Variants in TTN observed in about 807,000 individuals in gnomAD.
TTN encodes the protein connectin.
A neutral mutation model predicts 3,223.0 loss-of-function variants in TTN; 1,525 were observed. The ratio of observed to expected loss-of-function variants is 0.47; its 90% CI spans 0.45 to 0.49. The LOEUF (loss-of-function observed/expected upper bound fraction) is 0.49, where lower values mean the gene tolerates loss of function less well. Ranked by LOEUF, TTN falls within the 20% of genes least tolerant of loss-of-function variation. TTN has a pLI of 0.00. For synonymous variants in TTN, 14,094 were observed against 15,161.0 expected (o/e 0.93, Z 5.17); for missense variants, 40,786 against 43,424.0 (o/e 0.94, Z 5.40).
intron 208 of TTN, 113 bp downstream of exon 208, chr2:178,651,130 G>A: frequency 1.2e-6 from 1 of 844,236 alleles, no homozygotes; most frequent in Admixed American, 2.6e-5. Flanking sequence ...AATCCAGAAT[G>A]ACAGTTTTGT....
chr2:178,541,066 C>T, intron 350 of TTN: 1 of 388,194 alleles, frequency 2.6e-6, no homozygotes, highest in East Asian at 3.9e-5. Flanking sequence ...AATTATTTGC[C>T]AGAAATCGCT....
At chr2:178,598,310 A>G (rs576523895) in intron 292 of TTN, among the ~76,000 whole-genome samples, 196 bp downstream of exon 292, 1 of 152,268 alleles carries the variant, frequency 6.6e-6, no homozygotes, top group South Asian at 2.1e-4. Flanking sequence ...TTTATAACCA[A>G]AAGATTAGTA....
chr2:178,721,563 A>G (rs1230926225), intron 78 of TTN, among the ~76,000 whole-genome samples: 2 of 152,104 alleles, frequency 1.3e-5, no homozygotes, highest in African/African-American at 2.4e-5. Flanking sequence ...AGAATGCCAT[A>G]TAACAAGAAA....
Position 178,723,146 on chromosome 2 carries a change from C to A in TTN, c.21861G>T (p.Leu7287=). ...NIVTTEKTCI[L]EILNSTKRDA... is the part of the protein sequence containing the mutation. ...CTCTTTTTGTGCTATTCAGAATTTC[C>A]AGGATACAAGTTTTCTCTGTTGTGA... Residue 7287 remains leucine, a synonymous_variant, in exon 75 of 363, where the codon CTG becomes CTT. Coordinates refer to ENST00000589042, the MANE Select transcript of TTN (RefSeq NM_001267550.2). The A allele has an allele frequency of 1.9e-6, 3 of 1,613,494 alleles. No individual in the cohort carries two copies. The highest frequency in any genetic ancestry group is 2.5e-6 in the Non-Finnish European group (3 of 1,179,632).
At chr2:178,682,984 T>G (rs562357684) in intron 134 of TTN, 81 bp from the exon 135 acceptor site, 1 of 1,350,342 alleles carries the variant, frequency 7.4e-7, no homozygotes, top group Non-Finnish European at 1.0e-6. Context: ...TGCTTTGATT[T>G]TATTCTTTTG....
In TTN at chr2:178,550,161, A is replaced by T; in HGVS notation, c.91677T>A (p.Thr30559=). The stretch of plus-strand genomic sequence containing the variant: ...CGATTTCCACTCCATCTTTGAACCA[A>T]GTTACTCGAGGCACTGGTCTTCCTT... ...LVQGRPVPRV[T]WFKDGVEIEK... is the part of the protein sequence containing the mutation. Residue 30559 remains threonine (T), a synonymous_variant, in exon 337 of 363, where the codon ACT becomes ACA. Coordinates refer to ENST00000589042, the MANE Select transcript of TTN (RefSeq NM_001267550.2). 6.2e-7 allele frequency: 1 copy of T among 1,613,686 alleles called. No individual in the cohort carries two copies. Among genetic ancestry groups the T allele is most frequent in the Non-Finnish European group, 8.5e-7 (1 of 1,179,726 alleles).
Position 178,599,236 on chromosome 2 carries a change from G to A in TTN, c.56557C>T (p.His18853Tyr), listed in dbSNP as rs397517623. The A allele has an allele frequency of 1.0e-5, 16 of 1,549,008 alleles. No individual in the cohort carries two copies. In the Admixed American group the frequency reaches 2.3e-4, roughly 22 times the overall value. The change falls in exon 290 of 363, where the codon CAT becomes TAT. Residue 18853 changes from histidine to tyrosine, a missense_variant. Physicochemically the swap from His to Tyr is moderately conservative, Grantham distance 83. Coordinates refer to ENST00000589042, the MANE Select transcript of TTN (RefSeq NM_001267550.2). Reference sequence around the variant, plus strand: ...GCCATGATTCGGAATACATATTCATGGCCTTCTAGCAATTTGGGAATCGTG... The same window carrying A: ...GCCATGATTCGGAATACATATTCATAGCCTTCTAGCAATTTGGGAATCGTG... Reference protein sequence around the residue: ...TYTIPKLLEGHEYVFRIMAQN... With the variant: ...TYTIPKLLEGYEYVFRIMAQN...
Position 178,560,758 on chromosome 2 carries a change from A to G in TTN, c.85374T>C (p.Leu28458=), listed in dbSNP as rs1703348174. Reference sequence around the variant, plus strand: ...TCTCAGCAGTGAGGCCATTTATTTCAAGTGGTCCTGCTGGTGGACCAGGCT... The same window carrying G: ...TCTCAGCAGTGAGGCCATTTATTTCGAGTGGTCCTGCTGGTGGACCAGGCT... The part of the protein sequence containing the change: ...LDKPGPPAGP[L]EINGLTAEKC... The change falls in exon 326 of 363, where the codon CTT becomes CTC. Residue 28458 remains leucine (L), a synonymous_variant. Coordinates refer to ENST00000589042, the MANE Select transcript of TTN (RefSeq NM_001267550.2). 1 of 1,613,632 alleles carries G rather than the reference A, an allele frequency of 6.2e-7. No individual in the cohort carries two copies. The highest frequency in any genetic ancestry group is 1.3e-5 in the African/African-American group (1 of 74,914).
At chr2:178,554,802 T>C (rs572402359) in intron 331 of TTN, 50 bp from the exon 332 acceptor site, 2 of 1,612,046 alleles carry the variant, frequency 1.2e-6, no homozygotes, top group East Asian at 4.5e-5. Flanking sequence ...TAAAGCCTAC[T>C]TGTTCAAAAT....
intron 43 of TTN, among the ~76,000 whole-genome samples, chr2:178,762,819 C>T (rs2089555529): frequency 6.6e-6 from 1 of 152,146 alleles, no homozygotes. Context: ...CTCTCTATGG[C>T]TATAATAAAA....
Position 178,680,019 on chromosome 2 carries a change from A to C in TTN, c.33455T>G (p.Val11152Gly). ...GGTTACAACTTCCTCTTCAAAGGCA[A>C]CCTCTTCTGGTTCAAGTTCTTTAGG... ...EVPKELEPEE[V>G]AFEEEVVTHV... Residue 11152 changes from valine to glycine, a missense_variant, in exon 140 of 363, where the codon GTT becomes GGT. Val to Gly is a moderately radical substitution (Grantham distance 109). Transcript: ENST00000589042. 4 of 1,613,168 alleles carry C rather than the reference A, an allele frequency of 2.5e-6. No homozygotes were observed. The highest frequency in any genetic ancestry group is 3.4e-6 in the Non-Finnish European group (4 of 1,179,426).
chr2:178,695,988 C>A lies in TTN; in HGVS notation c.31084G>T (p.Glu10362Ter). Residue 10362 changes from glutamate (E) to a stop codon, truncating the protein, a stop_gained, in exon 114 of 363, where the codon GAA becomes TAA. Transcript: ENST00000589042. LOFTEE classifies it high-confidence loss of function. ...TATTCTTGCCCTTCTTCAAAATCTT[C>A]TTCCCATTCCTCGTGAACTTCTTTT... is the stretch of plus-strand genomic sequence containing the variant. ...AKKEVHEEWEEDFEEGQEYYE... is the reference protein window; with the variant it reads ...AKKEVHEEWE 6.5e-7 allele frequency: 1 copy of A among 1,547,340 alleles called. No homozygotes were observed. Among genetic ancestry groups the A allele is most frequent in the South Asian group, 1.2e-5 (1 of 82,576 alleles).
Position 178,536,361 on chromosome 2 carries a change from T to C in TTN, c.100386A>G (p.Glu33462=). 1 of 1,613,778 alleles carries C rather than the reference T, an allele frequency of 6.2e-7. No individual in the cohort carries two copies. Among genetic ancestry groups the C allele is most frequent in the South Asian group, 1.1e-5 (1 of 91,070 alleles). The change falls in exon 357 of 363, where the codon GAA becomes GAG. Residue 33462 remains glutamate (E), a synonymous_variant. Coordinates refer to ENST00000589042, the MANE Select transcript of TTN (RefSeq NM_001267550.2). The part of the protein sequence containing the change: ...FSVKNLIEGL[E]YEFRVKCENL... ...TTTCACATTTCACACGAAACTCGTA[T>C]TCAAGACCTTCAATAAGGTTTTTCA...
chr2:178,779,979 G>A (rs750001983), intron 22 of TTN, 21 bp downstream of exon 22: 12 of 1,601,906 alleles, frequency 7.5e-6, no homozygotes, highest in Admixed American at 1.7e-5. Flanking sequence ...TTGTTTGGTT[G>A]GTCATTACTT....
Position 178,563,441 on chromosome 2 carries a change from G to T in TTN, c.82691C>A (p.Ala27564Glu), listed in dbSNP as rs55634791. 1 of 1,613,416 alleles carries T rather than the reference G, an allele frequency of 6.2e-7. No individual in the cohort carries two copies. Among genetic ancestry groups the T allele is most frequent in the Non-Finnish European group, 8.5e-7 (1 of 1,179,716 alleles). The change falls in exon 326 of 363, where the codon GCG becomes GAG. Residue 27564 changes from alanine (A) to glutamate (E), a missense_variant. By Grantham distance (107) the Ala-to-Glu change is moderately radical. Coordinates refer to ENST00000589042, the MANE Select transcript of TTN (RefSeq NM_001267550.2). This position sits in a 1 kb window ranked among gnomAD's most constrained non-coding sequence, Gnocchi z 4.5. ...ACCTGGTGGATACAAGGCATCACAC[G>T]CACGGTAGAAAACAGATGGCTCACT... ...EPSEPSVFYRACDALYPPGPP... is the reference protein window; with the variant it reads ...EPSEPSVFYRECDALYPPGPP...
Position 178,619,713 on chromosome 2 carries a change from C to T in TTN, c.46604G>A (p.Arg15535Gln), listed in dbSNP as rs761015674. The T allele has an allele frequency of 1.4e-5, 22 of 1,612,322 alleles. No individual in the cohort carries two copies. The highest frequency in any genetic ancestry group is 4.0e-5 in the African/African-American group (3 of 74,890). The change falls in exon 250 of 363, where the codon CGA becomes CAA. Residue 15535 changes from arginine (R) to glutamine (Q), a missense_variant. Arg to Gln is a conservative substitution (Grantham distance 43). Transcript: ENST00000589042. ...GGGCTTAATATCACAAATCTGTAGT[C>T]GATGTATCTTTCCTTCACTCATCAT... ...HQMMSEGKIH[R>Q]LQICDIKPRD...
Position 178,528,412 on chromosome 2 carries a change from T to C in TTN, c.107239A>G (p.Asn35747Asp). 6.2e-7 allele frequency: 1 copy of C among 1,613,306 alleles called. No individual in the cohort carries two copies. The highest frequency in any genetic ancestry group is 8.5e-7 in the Non-Finnish European group (1 of 1,179,696). The change falls in exon 361 of 363, where the codon AAT becomes GAT. Residue 35747 changes from asparagine to aspartate, a missense_variant. Transcript: ENST00000589042. ...TTTCTGGAGCGGCTTATGCTGACAT[T>C]TGAAGAAATAGAAATCTAAGACAAA... is the stretch of plus-strand genomic sequence containing the variant. ...KNNLPISISS[N>D]VSISRSRNVY... is the part of the protein sequence containing the mutation.
rs1205517064 is a variant in TTN, at chr2:178,531,885, C to T, written c.104730G>A (p.Arg34910=). ...TTAAAGCAGCTTTCATGGACTCATA[C>T]CTGGAAAAGATATCAAATCTTGCAG... ...ERSARFDIFS[R]YESMKAALKT... The change falls in exon 358 of 363, where the codon AGG becomes AGA. Residue 34910 remains arginine, a synonymous_variant. Transcript: ENST00000589042. 1.9e-6 allele frequency: 3 copies of T among 1,612,754 alleles called. No homozygotes were observed. The highest frequency in any genetic ancestry group is 1.1e-5 in the South Asian group (1 of 90,966).
chr2:178,753,309 C>T, intron 46 of TTN, 129 bp from the exon 47 acceptor site: 1 of 674,540 alleles, frequency 1.5e-6, no homozygotes. Flanking sequence ...CCCAAATTTA[C>T]CAAAAAGTCC....
Sources: allele counts gnomAD v4.1 joint callset (sites outside exome capture counted in the v4.1 genomes callset), GRCh38; gene constraint gnomAD v4.1.1; non-coding constraint Gnocchi (gnomAD v3.1); transcripts MANE v1.5; gene names NCBI Gene and HGNC (gene_info 2026-07-23, HGNC 2026-07-21).